GSG1: variants seen among roughly 807,000 people sequenced by gnomAD.
GSG1 encodes the protein germ cell associated 1.
A neutral mutation model predicts 30.8 loss-of-function variants in GSG1; 28 were observed. The observed-to-expected ratio is 0.91, with a 90% CI of 0.67 to 1.25. The LOEUF (loss-of-function observed/expected upper bound fraction) is 1.25. GSG1 is among the 50% of genes most tolerant of loss of function. The pLI is 0.00. For synonymous variants in GSG1, 162 were observed against 178.0 expected, an observed-to-expected ratio of 0.91 and a Z score of 0.71; for missense variants, 435 against 444.7, an observed-to-expected ratio of 0.98 and a Z score of 0.20.
rs768853667 is a variant in GSG1 at position 13,087,937 on chromosome 12, C to A, written c.604G>T (p.Ala202Ser). The stretch of plus-strand genomic sequence containing the variant: ...AGGACAGAGGAAACAGCAGCAAAGG[C>A]GCTCAGTTTGAGCCCACAGGCAGGG... ...GNPACGLKLS[A>S]FAAVSSVLSG... The change falls in exon 5 of 7, where the codon GCC becomes TCC. Residue 202 changes from alanine to serine, a missense_variant. By Grantham distance (99) the Ala-to-Ser change is moderately conservative (BLOSUM62 1). Transcript: ENST00000651961. 3.1e-6 allele frequency: 5 copies of A among 1,614,018 alleles called. No homozygotes were observed. In the South Asian group the frequency reaches 3.3e-5, roughly 11 times the overall value.
rs896796399 is a variant in GSG1 at position 13,085,037 on chromosome 12, T to C, written c.953A>G (p.Tyr318Cys). Reference protein sequence around the residue: ...TVGPLTSYHQYHNQPIHSVSE... With the variant: ...TVGPLTSYHQCHNQPIHSVSE... ...GACAGAGTGGATGGGCTGATTATGA[T>C]ACTGGTGGTAGCTGGTCAAAGGACC... is the stretch of plus-strand genomic sequence containing the variant. The change falls in exon 7 of 7, where the codon TAT (tyrosine) becomes TGT (cysteine). Residue 318 changes from tyrosine (Y) to cysteine (C), a missense_variant. Physicochemically the swap from Tyr to Cys is radical, Grantham distance 194. Transcript: ENST00000651961. The C allele has an allele frequency of 1.2e-5, 19 of 1,583,382 alleles. No homozygotes were observed. The highest frequency in any genetic ancestry group is 1.4e-5 in the Non-Finnish European group (16 of 1,164,044).
intron 1 of GSG1, among the ~76,000 whole-genome samples, chr12:13,094,370 A>G (rs1339566658): frequency 1.3e-5 from 2 of 152,240 alleles, no homozygotes; most frequent in Non-Finnish European, 2.9e-5. Context: ...GCAATCTGCT[A>G]ATATGATTTT....
intron 1 of GSG1, among the ~76,000 whole-genome samples, chr12:13,097,927 G>C (rs745772065): frequency 2.6e-5 from 4 of 152,100 alleles, no homozygotes; most frequent in Non-Finnish European, 4.4e-5. Flanking sequence ...GAACTTAATT[G>C]TTTGAATTAG....
In GSG1 at chr12:13,101,804, A is replaced by G. The variant is rs150082311; in HGVS notation, c.48+1661T>C. On this transcript the variant is annotated intron_variant, in intron 1 of 6. Transcript: ENST00000651961. The surrounding 1 kb of genome is among the most constrained non-coding windows in gnomAD (Gnocchi z 5.8). ...GGGATGTCTGCGTCTCATTGGGAAGACCCCAGGGCGGGACTTCACCACCCA... is the reference window on the plus strand; with the variant it reads ...GGGATGTCTGCGTCTCATTGGGAAGGCCCCAGGGCGGGACTTCACCACCCA... Among the ~76,000 whole-genome samples the G allele has an allele frequency of 6.6e-6, 1 of 152,032 alleles. No homozygotes were observed. The highest frequency in any genetic ancestry group is 1.9e-4 in the East Asian group (1 of 5,166).
intron 2 of GSG1, 48 bp downstream of exon 2, chr12:13,090,455 C>G: frequency 1.3e-6 from 2 of 1,543,894 alleles, no homozygotes; most frequent in Non-Finnish European, 1.8e-6. Flanking sequence ...CATTAGATCC[C>G]TTGCCCGCCC....
chr12:13,084,900 C>T lies in GSG1; in HGVS notation c.*1G>A, dbSNP rs756675582. On this transcript the variant is annotated 3_prime_UTR_variant, in exon 7 of 7. Coordinates refer to ENST00000651961, the MANE Select transcript of GSG1 (RefSeq NM_001080555.4). ...GCCTACTCCCCAAACCCGCTTAACT[C>T]CTAACACTGCTCTTCCTCTACAGAT... The T allele has an allele frequency of 6.5e-7, 1 of 1,543,492 alleles. No homozygotes were observed. Among genetic ancestry groups the T allele is most frequent in the Non-Finnish European group, 8.8e-7 (1 of 1,141,938 alleles).
At chr12:13,086,902 A>G (rs894334526) in intron 6 of GSG1, among the ~76,000 whole-genome samples, 3 of 152,232 alleles carry the variant, frequency 2.0e-5, no homozygotes, top group African/African-American at 7.2e-5. Flanking sequence ...CAACTGCCAC[A>G]GCTGATGAGC....
chr12:13,088,223 C>G (rs1275259676), intron 4 of GSG1, among the ~76,000 whole-genome samples, 164 bp from the exon 5 acceptor site: 4 of 152,170 alleles, frequency 2.6e-5, no homozygotes, highest in Non-Finnish European at 4.4e-5. Context: ...CATTTCTAGT[C>G]CTTTGACGTC....
intron 1 of GSG1, 113 bp from the exon 2 acceptor site, chr12:13,090,931 C>G: frequency 1.1e-6 from 1 of 881,344 alleles, no homozygotes; most frequent in Non-Finnish European, 1.7e-6. Context: ...CCATACTCCT[C>G]CAAGGCAGAT....
intron 1 of GSG1, among the ~76,000 whole-genome samples, chr12:13,103,128 A>G (rs1047624283): frequency 3.3e-5 from 5 of 152,246 alleles, no homozygotes; most frequent in African/African-American, 9.6e-5. Context: ...AACGGGAATA[A>G]TGCAGATGAA....
rs756127404 is a variant in GSG1 at position 13,088,034 on chromosome 12, C to T, written c.507G>A (p.Thr169=). 39 of 1,614,056 alleles carry T rather than the reference C, an allele frequency of 2.4e-5. No homozygotes were observed. The highest frequency in any genetic ancestry group is 3.3e-5 in the Admixed American group (2 of 60,008). ...ATTGAAGTCCGATGTAGGTGATCTG[C>T]GTTCCCAGGGATAACCATAGGATTT... ...KREILWLSLG[T]QITYIGLQFI... The change falls in exon 5 of 7, where the codon ACG becomes ACA. Residue 169 remains threonine (T), a synonymous_variant. Coordinates refer to ENST00000651961, the MANE Select transcript of GSG1 (RefSeq NM_001080555.4).
At chr12:13,103,407 C>G (rs1863358110) in intron 1 of GSG1, 58 bp downstream of exon 1, 1 of 1,268,650 alleles carries the variant, frequency 7.9e-7, no homozygotes, top group Non-Finnish European at 1.2e-6. Flanking sequence ...TGTTACAAAT[C>G]CAGCAGTAAA....
intron 1 of GSG1, chr12:13,095,911 G>T: frequency 1.3e-6 from 1 of 769,984 alleles, no homozygotes; most frequent in Non-Finnish European, 1.9e-6. Context: ...AATTTGCAGA[G>T]GAAATTTTCT....
rs771887535 is a variant in GSG1, at chr12:13,098,456, ATTTTTTTTTTTTTTT to A, written c.48+4994_48+5008del. ...CTTGTAGGATTGTTTCATGTAGCCC[ATTTTTTTTTTTTTTT>A]TTTTTTTTTTTTTTTTTTTTTGGGC... On this transcript the variant is annotated intron_variant, in intron 1 of 6. Coordinates refer to ENST00000651961, the MANE Select transcript of GSG1 (RefSeq NM_001080555.4). 1.3e-3 allele frequency among the ~76,000 whole-genome samples: 62 copies of A among 47,402 alleles called. 3 individuals are homozygous for A. Among genetic ancestry groups the A allele is most frequent in the African/African-American group, 3.7e-3 (44 of 11,882 alleles). The allele number at this position is 47,402 out of a possible 152,430, so 31.1% of individuals were successfully genotyped here. A position where few individuals can be genotyped will look rare whatever the true frequency, so the allele number is the denominator to read the frequency against.
chr12:13,099,982 C>A (rs1359502489), intron 1 of GSG1, among the ~76,000 whole-genome samples: 2 of 152,214 alleles, frequency 1.3e-5, no homozygotes, highest in Admixed American at 1.3e-4. Context: ...CTGTTCTTTG[C>A]TTCTGCATGT....
chr12:13,086,218 C>T (rs1224381372), intron 6 of GSG1, among the ~76,000 whole-genome samples: 4 of 152,136 alleles, frequency 2.6e-5, no homozygotes, highest in East Asian at 1.9e-4. Context: ...GCTCCACAGC[C>T]GTTAATGCCA....
At chr12:13,097,701 G>A (rs1456251556) in intron 1 of GSG1, among the ~76,000 whole-genome samples, 1 of 152,312 alleles carries the variant, frequency 6.6e-6, no homozygotes, top group East Asian at 1.9e-4. Flanking sequence ...TTCTGGGTGA[G>A]GCCCAGGAAT....
chr12:13,092,372 A>G (rs569983188), intron 1 of GSG1, among the ~76,000 whole-genome samples: 2 of 152,048 alleles, frequency 1.3e-5, no homozygotes, highest in South Asian at 2.1e-4. Flanking sequence ...CAGCAGATTG[A>G]GCGAGAGAGA....
chr12:13,087,351 G>A, intron 5 of GSG1, 88 bp from the exon 6 acceptor site: 1 of 936,014 alleles, frequency 1.1e-6, no homozygotes, highest in Non-Finnish European at 1.7e-6. Flanking sequence ...CCTTCTTGCA[G>A]TCAGGCGCAG....
Sources: allele counts gnomAD v4.1 joint callset (sites outside exome capture counted in the v4.1 genomes callset), GRCh38; gene constraint gnomAD v4.1.1; non-coding constraint Gnocchi (gnomAD v3.1); transcripts MANE v1.5; gene names NCBI Gene and HGNC (gene_info 2026-07-23, HGNC 2026-07-21).